Variants in ACOX3 observed in about 807,000 individuals in gnomAD.
ACOX3 encodes peroxisomal acyl-coenzyme A oxidase 3.
Under a neutral mutation model 81.5 loss-of-function variants are expected in ACOX3, and 73 were observed. The observed-to-expected ratio is 0.90, with a 90% CI of 0.74 to 1.09. ACOX3 has a LOEUF of 1.09. Ranked by LOEUF, ACOX3 falls within the 50% of genes least tolerant of loss-of-function variation. ACOX3 has a pLI of 0.00. For missense variants in ACOX3, 947 were observed against 928.0 expected, an observed-to-expected ratio of 1.02 and a Z score of -0.27; for synonymous variants, 387 against 375.1, an observed-to-expected ratio of 1.03 and a Z score of -0.37.
intron 1 of ACOX3, among the ~76,000 whole-genome samples, chr4:8,440,343 T>C (rs1724542753): frequency 6.6e-6 from 1 of 152,226 alleles, no homozygotes; most frequent in South Asian, 2.1e-4. Context: ...GACAGATGAC[T>C]TTCATCCCTC....
rs1724033162 is a variant in ACOX3, at chr4:8,432,904, A to C, written c.-15+7744T>G. On this transcript the variant is annotated intron_variant, in intron 1 of 17. Coordinates refer to ENST00000356406, the MANE Select transcript of ACOX3 (RefSeq NM_003501.3). The surrounding 1 kb of genome is among the most constrained non-coding windows in gnomAD (Gnocchi z 6.2). ...AAATGTGCAGCAGTTAAATACATTC[A>C]ATTTCCCATAAATCTAATTTAAATC... Among the ~76,000 whole-genome samples the C allele has an allele frequency of 6.6e-6, 1 of 152,232 alleles. No individual in the cohort carries two copies. The highest frequency in any genetic ancestry group is 2.4e-5 in the African/African-American group (1 of 41,458).
In ACOX3 at chr4:8,384,439, G is replaced by A. The variant is rs1018182581; in HGVS notation, c.1538-2832C>T. On this transcript the variant is annotated intron_variant, in intron 13 of 17. Coordinates refer to ENST00000356406, the MANE Select transcript of ACOX3 (RefSeq NM_003501.3). The surrounding 1 kb of genome is among the most constrained non-coding windows in gnomAD (Gnocchi z 5.3). ...GCAGGAAAACGGGCACTGACGGGCA[G>A]TGAATTCTCTTGCTCGGAATGCGGC... Among the ~76,000 whole-genome samples, 5 of 152,210 alleles carry A rather than the reference G, an allele frequency of 3.3e-5. No homozygotes were observed. Among genetic ancestry groups the A allele is most frequent in the African/African-American group, 1.2e-4 (5 of 41,444 alleles).
rs1209962925 is a variant in ACOX3 at position 8,430,011 on chromosome 4, G to A, written c.-15+10637C>T. Among the ~76,000 whole-genome samples, 1 of 152,174 alleles carries A rather than the reference G, an allele frequency of 6.6e-6. No homozygotes were observed. The highest frequency in any genetic ancestry group is 1.5e-5 in the Non-Finnish European group (1 of 68,034). On this transcript the variant is annotated intron_variant, in intron 1 of 17. Coordinates refer to ENST00000356406, the MANE Select transcript of ACOX3 (RefSeq NM_003501.3). The surrounding 1 kb of genome is among the most constrained non-coding windows in gnomAD (Gnocchi z 5.2). ...CAGTGCAGCTCAGTTATGGGGAGGA[G>A]AAAGAGAAGTACAATTTTAAATGTG...
At chr4:8,373,436 G>T in intron 16 of ACOX3, 125 bp downstream of exon 16, 1 of 963,302 alleles carries the variant, frequency 1.0e-6, no homozygotes, top group Non-Finnish European at 1.6e-6. Flanking sequence ...CGCTAAGGGG[G>T]TGCGTGTCAG....
In ACOX3 at chr4:8,389,271, C is replaced by G. The variant is rs114126152; in HGVS notation, c.1439G>C (p.Arg480Pro). 1.0e-3 allele frequency: 1,624 copies of G among 1,612,688 alleles called. 10 individuals carry two copies. The African/African-American group carries it at 0.019, about 19-fold the overall frequency. The change falls in exon 13 of 18, where the codon CGC becomes CCC. Residue 480 changes from arginine to proline, a missense_variant. Arg to Pro is a moderately radical substitution (Grantham distance 103). Transcript: ENST00000356406. This position sits in a 1 kb window ranked among gnomAD's most constrained non-coding sequence, Gnocchi z 5.3. ...AAAGTCCACTGACTTCAGCGGACTG[C>G]GGAAGCAAGCTCCATCTAGGACACA... ...AHQVHDGACF[R>P]SPLKSVDFLD... is the part of the protein sequence containing the mutation.
intron 7 of ACOX3, among the ~76,000 whole-genome samples, chr4:8,404,940 G>A (rs1720771747): frequency 6.6e-6 from 1 of 152,174 alleles, no homozygotes; most frequent in South Asian, 2.1e-4. Context: ...GGGGGAGACA[G>A]CGTGTGGAGT....
chr4:8,366,020 G>A (rs1187869548), downstream of ACOX3, among the ~76,000 whole-genome samples: 1 of 152,210 alleles, frequency 6.6e-6, no homozygotes, highest in African/African-American at 2.4e-5. Context: ...CCCTGCTACT[G>A]AAGACGAAGG....
At position 8,399,454 on chromosome 4, in the gene ACOX3, G is replaced by A; in HGVS notation, c.873+102C>T. On this transcript the variant is annotated intron_variant, in intron 8 of 17. Transcript: ENST00000356406. The surrounding 1 kb of genome is among the most constrained non-coding windows in gnomAD (Gnocchi z 4.9). ...TGCCCCAGCGACACCTGGCCTACGT[G>A]GAGGGGTCTCCTTTCCAGGTGCAGG... is the stretch of plus-strand genomic sequence containing the variant. The A allele has an allele frequency of 9.8e-7, 1 of 1,024,396 alleles. No individual in the cohort carries two copies. The highest frequency in any genetic ancestry group is 1.5e-6 in the Non-Finnish European group (1 of 675,810). The allele number at this position is 1,024,396 out of a possible 1,614,324, so 63.5% of individuals were successfully genotyped here.
At chr4:8,379,270 G>C (rs748923533) in intron 14 of ACOX3, among the ~76,000 whole-genome samples, 4 of 152,226 alleles carry the variant, frequency 2.6e-5, no homozygotes, top group African/African-American at 7.2e-5. Flanking sequence ...GGAAGGGGCT[G>C]CGTCTCCCCT....
Position 8,431,489 on chromosome 4 carries a change from G to C in ACOX3, c.-15+9159C>G, listed in dbSNP as rs1579006512. ...CTCTGTGAGTCAGGGTGGTGGGGAG[G>C]TAGGAAGAGAGGAAGGGGTCGTGCT... On this transcript the variant is annotated intron_variant, in intron 1 of 17. Coordinates refer to ENST00000356406, the MANE Select transcript of ACOX3 (RefSeq NM_003501.3). This position sits in a 1 kb window ranked among gnomAD's most constrained non-coding sequence, Gnocchi z 5.3. Among the ~76,000 whole-genome samples the C allele has an allele frequency of 1.3e-5, 2 of 152,370 alleles. No homozygotes were observed. The highest frequency in any genetic ancestry group is 2.9e-5 in the Non-Finnish European group (2 of 68,036).
intron 14 of ACOX3, among the ~76,000 whole-genome samples, chr4:8,376,317 T>C (rs947372967): frequency 2.0e-5 from 3 of 151,142 alleles, no homozygotes; most frequent in African/African-American, 7.3e-5. Context: ...TTGCTTGACT[T>C]GTTAGGATGA....
chr4:8,384,917 C>T lies in ACOX3; in HGVS notation c.1538-3310G>A, dbSNP rs532708721. On this transcript the variant is annotated intron_variant, in intron 13 of 17. Transcript: ENST00000356406. The surrounding 1 kb of genome is among the most constrained non-coding windows in gnomAD (Gnocchi z 5.3). ...CACAACGCACGGACCCTCTGAGACACCCTCAGGTGCCAGTTTTGTGGGAGA... is the reference window on the plus strand; with the variant it reads ...CACAACGCACGGACCCTCTGAGACATCCTCAGGTGCCAGTTTTGTGGGAGA... 2.0e-5 allele frequency among the ~76,000 whole-genome samples: 3 copies of T among 152,300 alleles called. No homozygotes were observed. In the East Asian group the frequency reaches 5.8e-4, roughly 29 times the overall value.
At chr4:8,420,461 A>G (rs1192543555) in intron 1 of ACOX3, among the ~76,000 whole-genome samples, 2 of 152,194 alleles carry the variant, frequency 1.3e-5, no homozygotes, top group Admixed American at 6.5e-5. Context: ...TGGGGCTTGT[A>G]ACTCAGCTCA....
chr4:8,396,192 T>C (rs541687116), intron 9 of ACOX3, among the ~76,000 whole-genome samples: 1 of 152,270 alleles, frequency 6.6e-6, no homozygotes, highest in African/African-American at 2.4e-5. Context: ...CTAAATGCCA[T>C]CACAGTGAAC....
chr4:8,392,119 T>C lies in ACOX3; in HGVS notation c.1300+214A>G, dbSNP rs534480856. On this transcript the variant is annotated intron_variant, in intron 11 of 17. Transcript: ENST00000356406. ...TAAGCCACATGGTCTCTGTCACAGC[T>C]GCGATTACTCATCTCTGCCCTTGCA... 7.9e-5 allele frequency among the ~76,000 whole-genome samples: 12 copies of C among 152,372 alleles called. No homozygotes were observed. In the East Asian group the frequency reaches 2.1e-3, roughly 27 times the overall value.
In ACOX3 at chr4:8,381,489, T is replaced by A. The variant is rs1717642385; in HGVS notation, c.1653+3A>T. 6.2e-7 allele frequency: 1 copy of A among 1,607,570 alleles called. No individual in the cohort carries two copies. The highest frequency in any genetic ancestry group is 1.1e-5 in the South Asian group (1 of 90,692). On this transcript the variant is annotated splice_donor_region_variant and intron_variant, in intron 14 of 17. Transcript: ENST00000356406. This position sits in a 1 kb window ranked among gnomAD's most constrained non-coding sequence, Gnocchi z 4.3. ...AAAGGGAATTTTGAAAACAAATACTTACCTGGCATTTGTTCCTTGCTTCAA... is the reference window on the plus strand; with the variant it reads ...AAAGGGAATTTTGAAAACAAATACTAACCTGGCATTTGTTCCTTGCTTCAA...
In ACOX3 at chr4:8,384,150, C is replaced by T. The variant is rs554232068; in HGVS notation, c.1538-2543G>A. Among the ~76,000 whole-genome samples, 9 of 152,330 alleles carry T rather than the reference C, an allele frequency of 5.9e-5. No individual in the cohort carries two copies. In the South Asian group the frequency reaches 1.9e-3, roughly 32 times the overall value. On this transcript the variant is annotated intron_variant, in intron 13 of 17. Transcript: ENST00000356406. The surrounding 1 kb of genome is among the most constrained non-coding windows in gnomAD (Gnocchi z 5.3). ...AGAATTAATCCATGAGGCTTCACGTCGATGGCCAGTTAGACTGTGCTGTGG... is the reference window on the plus strand; with the variant it reads ...AGAATTAATCCATGAGGCTTCACGTTGATGGCCAGTTAGACTGTGCTGTGG...
intron 14 of ACOX3, among the ~76,000 whole-genome samples, chr4:8,380,835 A>G (rs887215540): frequency 1.3e-5 from 2 of 152,178 alleles, no homozygotes; most frequent in Admixed American, 6.5e-5. Flanking sequence ...AAGAGTGCTC[A>G]TGGCACCCAC....
At chr4:8,415,015 A>G in intron 3 of ACOX3, 87 bp from the exon 4 acceptor site, 2 of 1,225,166 alleles carry the variant, frequency 1.6e-6, no homozygotes, top group Non-Finnish European at 2.4e-6. Context: ...ACGGCACTCA[A>G]CACCATGCCC....
Sources: gnomAD v4.1 joint callset for allele counts (sites outside exome capture counted in the v4.1 genomes callset) on GRCh38, gnomAD v4.1.1 for gene constraint, Gnocchi (gnomAD v3.1) non-coding constraint, MANE v1.5 for transcripts, NCBI Gene and HGNC (gene_info 2026-07-23, HGNC 2026-07-21) for gene names.